The following CNEP1R1 variants were observed in gnomAD, a reference collection of about 807,000 sequenced individuals.
The protein encoded by CNEP1R1 is nuclear envelope phosphatase-regulatory subunit 1.
CNEP1R1 carries 10 observed loss-of-function variants against 22.7 expected under a neutral mutation model. The observed-to-expected ratio is 0.44, with a 90% CI of 0.27 to 0.75. The LOEUF is 0.75. Among genes scored for constraint, CNEP1R1 ranks in the 30% least tolerant of loss-of-function variants. The pLI, the probability that CNEP1R1 is intolerant of heterozygous loss-of-function variation, is 0.17. For synonymous variants in CNEP1R1, 53 were observed against 50.1 expected (o/e 1.06, Z -0.25); for missense variants, 73 against 151.5 (o/e 0.48, Z 2.72).
chr16:50,026,334 C>T (rs1275082140), intron 1 of CNEP1R1, 62 bp from the exon 2 acceptor site: 3 of 1,184,656 alleles, frequency 2.5e-6, no homozygotes, highest in African/African-American at 3.0e-5. Context: ...TAGGTAAATA[C>T]TCTGACATTT....
At chr16:50,025,478 C>T (rs965771930) in intron 1 of CNEP1R1, 138 bp downstream of exon 1, 12 of 1,120,226 alleles carry the variant, frequency 1.1e-5, no homozygotes, top group Non-Finnish European at 1.5e-5. Context: ...CTTGGGGGCG[C>T]GTAGGCGGCC....
chr16:50,033,003 C>G (rs13330123), intron 3 of CNEP1R1, among the ~76,000 whole-genome samples: 20,118 of 147,570 alleles, frequency 0.14, 1,431 homozygotes, highest in African/African-American at 0.2. Context: ...GAAACTCTGT[C>G]TCAAAAAAAA....
At chr16:50,033,134 T>C (rs1441691125) in intron 3 of CNEP1R1, among the ~76,000 whole-genome samples, 2 of 152,186 alleles carry the variant, frequency 1.3e-5, no homozygotes, top group Admixed American at 6.5e-5. Flanking sequence ...GTTTTTTGAT[T>C]ATAGGAATGA....
chr16:50,031,532 A>G (rs2036231129), intron 3 of CNEP1R1, among the ~76,000 whole-genome samples: 1 of 152,208 alleles, frequency 6.6e-6, no homozygotes, highest in Non-Finnish European at 1.5e-5. Context: ...CTAATTGGGA[A>G]AAATATAAGC....
chr16:50,033,542 A>G (rs1167298210), intron 4 of CNEP1R1, 36 bp downstream of exon 4: 2 of 1,181,042 alleles, frequency 1.7e-6, no homozygotes, highest in Admixed American at 1.9e-5. Context: ...CATTCTCTGA[A>G]GTGCTTTGTT....
chr16:50,034,201 A>C, intron 5 of CNEP1R1, 45 bp downstream of exon 5: 1 of 1,414,190 alleles, frequency 7.1e-7, no homozygotes, highest in Non-Finnish European at 9.8e-7. Context: ...GCATGAAAAC[A>C]CTGAAATTTT....
At chr16:50,029,998 G>T (rs1453847256) in intron 3 of CNEP1R1, among the ~76,000 whole-genome samples, 200 bp downstream of exon 3, 1 of 152,042 alleles carries the variant, frequency 6.6e-6, no homozygotes, top group Admixed American at 6.6e-5. Context: ...ACAGGGAAAA[G>T]GTCTAAGAGA....
At chr16:50,029,364 A>G (rs2036212796) in intron 2 of CNEP1R1, among the ~76,000 whole-genome samples, 1 of 152,180 alleles carries the variant, frequency 6.6e-6, no homozygotes, top group Non-Finnish European at 1.5e-5. Flanking sequence ...GTAGAAAATG[A>G]GTTTGTTTTT....
Position 50,026,451 on chromosome 16 carries a change from T to C in CNEP1R1, c.81T>C (p.Ala27=), listed in dbSNP as rs913429127. Residue 27 remains alanine (A), a synonymous_variant, in exon 2 of 6, where the codon GCT becomes GCC. Coordinates refer to ENST00000427478, the MANE Select transcript of CNEP1R1 (RefSeq NM_001281789.2). The part of the protein sequence containing the change: ...LTEYIHCLQP[A]TGRWRMLLIV... ...AATATATTCATTGTTTGCAACCTGC[T>C]ACTGGACGCTGGAGAAGTAAGTTCC... is the stretch of plus-strand genomic sequence containing the variant. The C allele has an allele frequency of 6.2e-7, 1 of 1,609,994 alleles. No individual in the cohort carries two copies.
intron 1 of CNEP1R1, 32 bp downstream of exon 1, chr16:50,025,372 C>T (rs750390926): frequency 1.4e-6 from 2 of 1,430,592 alleles, no homozygotes; most frequent in Middle Eastern, 2.5e-4. Context: ...CGTCCCCCGT[C>T]TCCCCTCGGA....
Position 50,037,060 on chromosome 16 carries a change from AAAAT to A in CNEP1R1, c.*1608_*1611del, listed in dbSNP as rs1387966473. On this transcript the variant is annotated 3_prime_UTR_variant, in exon 6 of 6. Transcript: ENST00000427478. Reference sequence around the variant, plus strand: ...ATTTTGTAGGTAAATATGTGCATTAAAAATAAATACTTTATATATAACTCGTGAT... The same window carrying A: ...ATTTTGTAGGTAAATATGTGCATTAAAAATACTTTATATATAACTCGTGAT... 2.0e-5 allele frequency: 3 copies of A among 150,780 alleles called. No homozygotes were observed. Among genetic ancestry groups the A allele is most frequent in the African/African-American group, 7.4e-5 (3 of 40,788 alleles). 9.3% of individuals were successfully genotyped at this position (150,780 alleles called of 1,614,324 possible).
chr16:50,025,270 T>C lies in CNEP1R1; in HGVS notation c.-46T>C. ...CGGGCCGGGCGGGGGCCGCGGAAGCTGCGATGCGGACAGGGCAGCGGCGGT... is the reference window on the plus strand; with the variant it reads ...CGGGCCGGGCGGGGGCCGCGGAAGCCGCGATGCGGACAGGGCAGCGGCGGT... On this transcript the variant is annotated 5_prime_UTR_variant, in exon 1 of 6. Transcript: ENST00000427478. 7.2e-7 allele frequency: 1 copy of C among 1,389,798 alleles called. No homozygotes were observed. Among genetic ancestry groups the C allele is most frequent in the Non-Finnish European group, 9.3e-7 (1 of 1,077,478 alleles). The allele number at this position is 1,389,798 out of a possible 1,614,324, so 86.1% of individuals were successfully genotyped here.
intron 1 of CNEP1R1, chr16:50,025,771 C>G (rs1413199557): frequency 2.3e-6 from 3 of 1,328,582 alleles, no homozygotes; most frequent in Non-Finnish European, 3.2e-6. Context: ...CCACCACTCA[C>G]TCGGAGCAGC....
intron 5 of CNEP1R1, among the ~76,000 whole-genome samples, chr16:50,034,885 G>C (rs2036262328): frequency 6.6e-6 from 1 of 152,116 alleles, no homozygotes; most frequent in Non-Finnish European, 1.5e-5. Flanking sequence ...CTGGACGACA[G>C]TGAGACCCTG....
At chr16:50,025,838 G>T in intron 1 of CNEP1R1, 1 of 694,300 alleles carries the variant, frequency 1.4e-6, no homozygotes, top group East Asian at 2.7e-5. Context: ...AAGATCACCT[G>T]TACCCCTTCG....
At chr16:50,025,650 G>A in intron 1 of CNEP1R1, 1 of 1,613,548 alleles carries the variant, frequency 6.2e-7, no homozygotes, top group South Asian at 1.1e-5. Flanking sequence ...CATTCTCACA[G>A]CCCCGCGAGT....
At chr16:50,026,347 T>G in intron 1 of CNEP1R1, 49 bp from the exon 2 acceptor site, 10 of 1,335,400 alleles carry the variant, frequency 7.5e-6, no homozygotes, top group Non-Finnish European at 1.1e-5. Flanking sequence ...TGACATTTCG[T>G]CAGACGAGTA....
intron 1 of CNEP1R1, chr16:50,026,055 C>A (rs764460569): frequency 2.8e-5 from 12 of 422,412 alleles, no homozygotes; most frequent in Non-Finnish European, 3.8e-5. Flanking sequence ...TAAAACTCGA[C>A]CTGATTTTAA....
chr16:50,025,641 A>G (rs1237826748), intron 1 of CNEP1R1: 2 of 1,613,052 alleles, frequency 1.2e-6, no homozygotes, highest in South Asian at 1.1e-5. Context: ...ATTTCATTTC[A>G]TTCTCACAGC....
Sources: allele counts gnomAD v4.1 joint callset (sites outside exome capture counted in the v4.1 genomes callset), GRCh38; gene constraint gnomAD v4.1.1; transcripts MANE v1.5; gene names NCBI Gene and HGNC (gene_info 2026-07-23, HGNC 2026-07-21).